The following NRG3 variants were observed in gnomAD, a reference collection of about 807,000 sequenced individuals.
NRG3 encodes the protein pro-neuregulin-3, membrane-bound isoform.
In NRG3, 31 loss-of-function variants were observed where a neutral mutation model predicts 66.9. The ratio of observed to expected loss-of-function variants is 0.46; its 90% CI spans 0.35 to 0.63. NRG3 has a LOEUF of 0.63. NRG3 is among the 20% of genes least tolerant of loss of function. NRG3 has a pLI of 0.00. For missense variants in NRG3, 910 were observed against 878.9 expected, an observed-to-expected ratio of 1.04 and a Z score of -0.45; for synonymous variants, 393 against 359.4, an observed-to-expected ratio of 1.09 and a Z score of -1.06.
chr10:82,539,962 T>A (rs1386135133), intron 2 of NRG3, among the ~76,000 whole-genome samples: 1 of 151,948 alleles, frequency 6.6e-6, no homozygotes, highest in Non-Finnish European at 1.5e-5. Context: ...ATTAATATAA[T>A]CAACTACTTT....
intron 3 of NRG3, among the ~76,000 whole-genome samples, chr10:82,797,960 A>T (rs754136986): frequency 6.6e-6 from 1 of 152,218 alleles, no homozygotes; most frequent in Non-Finnish European, 1.5e-5. Flanking sequence ...TGCAGTAACT[A>T]GTAAAATAAT....
intron 1 of NRG3, among the ~76,000 whole-genome samples, chr10:81,915,800 A>G (rs1845653466): frequency 6.6e-6 from 1 of 152,008 alleles, no homozygotes; most frequent in African/African-American, 2.4e-5. Flanking sequence ...TTAGCATGAT[A>G]ATGGTGATAA....
At chr10:82,261,266 C>G (rs114016944) in intron 1 of NRG3, among the ~76,000 whole-genome samples, 1,946 of 152,220 alleles carry the variant, frequency 0.013, 29 homozygotes, top group South Asian at 0.052. Context: ...GGGCGCCACC[C>G]GCTTCACTCA....
chr10:82,978,907 T>A (rs1852566996), intron 7 of NRG3, 43 bp from the exon 8 acceptor site: 1 of 1,594,858 alleles, frequency 6.3e-7, no homozygotes, highest in Admixed American at 1.7e-5. Flanking sequence ...TGCTATGATG[T>A]CTTTTGTTTG....
chr10:82,158,975 G>A (rs981179701), intron 1 of NRG3, among the ~76,000 whole-genome samples: 4 of 151,830 alleles, frequency 2.6e-5, no homozygotes, highest in African/African-American at 9.7e-5. Context: ...TCTGCATGAA[G>A]AGCATGAAAC....
At chr10:82,556,196 A>AT (rs557947506) in intron 2 of NRG3, among the ~76,000 whole-genome samples, 25 of 151,368 alleles carry the variant, frequency 1.7e-4, no homozygotes, top group South Asian at 4.2e-4. Context: ...CTTGAAGCCT[A>AT]TTTTTTTTTC....
At chr10:82,839,775 A>T (rs1156478898) in intron 3 of NRG3, among the ~76,000 whole-genome samples, 1 of 151,994 alleles carries the variant, frequency 6.6e-6, no homozygotes. Context: ...ATACTTATAA[A>T]TGATAAAAGA....
chr10:82,663,320 C>T (rs1190597231), intron 2 of NRG3, among the ~76,000 whole-genome samples: 2 of 152,178 alleles, frequency 1.3e-5, no homozygotes, highest in African/African-American at 4.8e-5. Flanking sequence ...TTGAGGTTTC[C>T]TGGGATTTAA....
chr10:82,828,083 C>G (rs1315823641), intron 3 of NRG3, among the ~76,000 whole-genome samples: 1 of 152,060 alleles, frequency 6.6e-6, no homozygotes, highest in Non-Finnish European at 1.5e-5. Flanking sequence ...GGACGACTGG[C>G]TGTCTTCTGC....
intron 1 of NRG3, among the ~76,000 whole-genome samples, chr10:82,042,951 A>AT (rs1437695248): frequency 2.0e-5 from 3 of 151,888 alleles, no homozygotes. Flanking sequence ...TTTATTAGAG[A>AT]TTTTTTCCTA....
intron 2 of NRG3, among the ~76,000 whole-genome samples, chr10:82,370,412 G>T (rs888398242): frequency 7.2e-6 from 1 of 138,386 alleles, no homozygotes; most frequent in Non-Finnish European, 1.5e-5. Flanking sequence ...CTGCCGCGTC[G>T]TTCTGCCATT....
chr10:82,111,620 T>G (rs779727782), intron 1 of NRG3, among the ~76,000 whole-genome samples: 6 of 152,164 alleles, frequency 3.9e-5, no homozygotes, highest in African/African-American at 7.2e-5. Context: ...TCTTTTTTGC[T>G]TTCATCCAGC....
chr10:82,653,140 G>C (rs1208353932), intron 2 of NRG3, among the ~76,000 whole-genome samples: 1 of 152,180 alleles, frequency 6.6e-6, no homozygotes, highest in Admixed American at 6.5e-5. Flanking sequence ...TGTTAAAGCT[G>C]AAACTTACAT....
At chr10:82,632,050 C>T (rs1306719136) in intron 2 of NRG3, among the ~76,000 whole-genome samples, 5 of 151,958 alleles carry the variant, frequency 3.3e-5, no homozygotes, top group Admixed American at 1.3e-4. Context: ...TGCACTGGGC[C>T]GAGATCACGC....
intron 1 of NRG3, among the ~76,000 whole-genome samples, chr10:81,972,294 C>A (rs1287884609): frequency 6.6e-6 from 1 of 152,128 alleles, no homozygotes; most frequent in Non-Finnish European, 1.5e-5. Flanking sequence ...CAATGCCTAG[C>A]ACCCAATCAA....
At chr10:82,339,953 C>T (rs149038694) in intron 1 of NRG3, among the ~76,000 whole-genome samples, 1 of 152,226 alleles carries the variant, frequency 6.6e-6, no homozygotes, top group East Asian at 1.9e-4. Flanking sequence ...TTTACTTAAA[C>T]AACTATCCAT....
intron 1 of NRG3, among the ~76,000 whole-genome samples, chr10:82,001,463 A>G (rs2061164060): frequency 6.6e-6 from 1 of 152,060 alleles, no homozygotes; most frequent in African/African-American, 2.4e-5. Flanking sequence ...AGATTGTGCC[A>G]TTGCACTCCA....
chr10:82,796,828 T>A (rs2060820011), intron 3 of NRG3, among the ~76,000 whole-genome samples: 1 of 151,964 alleles, frequency 6.6e-6, no homozygotes, highest in South Asian at 2.1e-4. Flanking sequence ...TAAAAATAAA[T>A]CTTGGTCAAC....
intron 2 of NRG3, among the ~76,000 whole-genome samples, chr10:82,636,221 ATATG>A (rs1201723642): frequency 6.7e-4 from 13 of 19,516 alleles, no homozygotes; most frequent in Admixed American, 1.5e-3. Context: ...GTCTATCTAC[ATATG>A]TGTGTGTGTG....
Sources: allele counts gnomAD v4.1 joint callset (sites outside exome capture counted in the v4.1 genomes callset), GRCh38; gene constraint gnomAD v4.1.1; transcripts MANE v1.5; gene names NCBI Gene and HGNC (gene_info 2026-07-23, HGNC 2026-07-21).